CEP350: variants seen among roughly 807,000 people sequenced by gnomAD.
The protein encoded by CEP350 is centrosomal protein 350.
In CEP350, 126 loss-of-function variants were observed where a neutral mutation model predicts 331.8. That is an observed-to-expected ratio of 0.38 (90% CI 0.33 to 0.44). The LOEUF is 0.44. CEP350 is among the 20% of genes least tolerant of loss of function. The pLI is 1.00. For missense variants in CEP350, 3,406 were observed against 3,634.6 expected, an observed-to-expected ratio of 0.94 and a Z score of 1.62; for synonymous variants, 1,200 against 1,259.5, an observed-to-expected ratio of 0.95 and a Z score of 1.00.
Position 180,034,070 on chromosome 1 carries a change from G to A in CEP350, c.3934G>A (p.Ala1312Thr), listed in dbSNP as rs1342992786. ...CAGCAGAACAACGACAGAGAACATG[G>A]CTCCAATACCAGGTAAGTAGATTCA... ...AASRTTTENM[A>T]PIPGSKRFSP... The change falls in exon 16 of 38, where the codon GCT becomes ACT. Residue 1312 changes from alanine (A) to threonine (T), a missense_variant. Physicochemically the swap from Ala to Thr is moderately conservative, Grantham distance 58. Around this residue, in one of 5 missense-constraint regions of CEP350, gnomAD observed 1,857 missense variants for 1,909.2 expected, o/e 0.97. Coordinates refer to ENST00000367607, the MANE Select transcript of CEP350 (RefSeq NM_014810.5). 6.2e-7 allele frequency: 1 copy of A among 1,613,412 alleles called. No homozygotes were observed. Among genetic ancestry groups the A allele is most frequent in the East Asian group, 2.2e-5 (1 of 44,880 alleles).
At chr1:180,063,185 ACT>A (rs1491308548) in intron 26 of CEP350, among the ~76,000 whole-genome samples, 1 of 111,054 alleles carries the variant, frequency 9.0e-6, no homozygotes, top group East Asian at 2.7e-4. Context: ...AAAATTTGAA[ACT>A]TTTTTTTTTT....
intron 6 of CEP350, among the ~76,000 whole-genome samples, chr1:179,998,348 G>T (rs192524682): frequency 1.5e-5 from 2 of 130,524 alleles, no homozygotes. Flanking sequence ...TCACTCTGTC[G>T]CCCAGGCTGG....
chr1:179,993,274 C>T (rs546420108), intron 5 of CEP350, among the ~76,000 whole-genome samples: 1 of 151,666 alleles, frequency 6.6e-6, no homozygotes, highest in African/African-American at 2.4e-5. Flanking sequence ...GAAGAATAAT[C>T]GAAGTTTAGA....
intron 18 of CEP350, 65 bp from the exon 19 acceptor site, chr1:180,041,591 TAAATTA>T (rs1411045606): frequency 7.3e-7 from 1 of 1,366,692 alleles, no homozygotes; most frequent in African/African-American, 1.5e-5. Flanking sequence ...AATAAATTTA[TAAATTA>T]AAATTAATTC....
At chr1:179,991,713 A>G (rs199768701) in intron 4 of CEP350, among the ~76,000 whole-genome samples, 1,014 of 69,296 alleles carry the variant, frequency 0.015, 12 homozygotes, top group African/African-American at 0.039. Flanking sequence ...GTGTGTATAT[A>G]TATATATATA....
At chr1:179,969,616 G>A in intron 1 of CEP350, 1 of 321,352 alleles carries the variant, frequency 3.1e-6, no homozygotes, top group South Asian at 2.7e-5. Flanking sequence ...TTTCCTTGAA[G>A]TTTTCCTCAA....
At chr1:179,956,862 A>G (rs879497360) in intron 1 of CEP350, among the ~76,000 whole-genome samples, 5 of 152,148 alleles carry the variant, frequency 3.3e-5, no homozygotes, top group Non-Finnish European at 7.4e-5. Flanking sequence ...ATTTCTGCAG[A>G]TAATGTGGAA....
In CEP350 at chr1:180,024,540, ACTT is replaced by A; in HGVS notation, c.3514_3516del (p.Ser1172del). 4 of 1,613,002 alleles carry A rather than the reference ACTT, an allele frequency of 2.5e-6. No individual in the cohort carries two copies. The highest frequency in any genetic ancestry group is 3.4e-6 in the Non-Finnish European group (4 of 1,179,478). ...GTCTGCTGCATCGTCTCGTTCATCTACTTCTTCTAAAGGAAAGAAAGGAAAAAA... is the reference window on the plus strand; with the variant it reads ...GTCTGCTGCATCGTCTCGTTCATCTACTTCTAAAGGAAAGAAAGGAAAAAA... On this transcript the variant is annotated inframe_deletion, in exon 14 of 38. Coordinates refer to ENST00000367607, the MANE Select transcript of CEP350 (RefSeq NM_014810.5).
chr1:179,972,620 T>G (rs1290382796), intron 1 of CEP350, among the ~76,000 whole-genome samples: 1 of 152,084 alleles, frequency 6.6e-6, no homozygotes, highest in African/African-American at 2.4e-5. Context: ...TTCTCCTGCC[T>G]CAGCCTCCTG....
At chr1:180,078,750 G>T (rs1277547899) in intron 29 of CEP350, 76 bp downstream of exon 29, 1 of 1,232,224 alleles carries the variant, frequency 8.1e-7, no homozygotes, top group Non-Finnish European at 1.1e-6. Flanking sequence ...TTATATTATT[G>T]TAATTAATGA....
chr1:179,990,061 C>T (rs900899884), intron 3 of CEP350, among the ~76,000 whole-genome samples: 8 of 151,798 alleles, frequency 5.3e-5, no homozygotes, highest in South Asian at 4.2e-4. Context: ...TGGTGGCGCA[C>T]GCCTGTAATC....
chr1:180,103,719 A>G (rs1327621392), intron 37 of CEP350, among the ~76,000 whole-genome samples: 1 of 151,920 alleles, frequency 6.6e-6, no homozygotes, highest in African/African-American at 2.4e-5. Context: ...TTGTCTTTTA[A>G]AAGATGCTTC....
At chr1:180,097,297 C>T (rs1221645320) in intron 36 of CEP350, among the ~76,000 whole-genome samples, 4 of 152,174 alleles carry the variant, frequency 2.6e-5, no homozygotes, top group Admixed American at 2.6e-4. Context: ...CCACATGGCC[C>T]GCAAAGCCTA....
intron 1 of CEP350, among the ~76,000 whole-genome samples, chr1:179,959,494 C>T (rs1650426924): frequency 6.6e-6 from 1 of 151,920 alleles, no homozygotes; most frequent in Non-Finnish European, 1.5e-5. Context: ...GTGTCTCATG[C>T]CTATAATCCC....
intron 37 of CEP350, 41 bp from the exon 38 acceptor site, chr1:180,110,956 A>G (rs760499235): frequency 4.5e-6 from 7 of 1,557,754 alleles, no homozygotes; most frequent in African/African-American, 1.4e-5. Flanking sequence ...TAGCTTTTGT[A>G]TGACAGGAAT....
At chr1:180,070,594 A>G (rs952728243) in intron 27 of CEP350, among the ~76,000 whole-genome samples, 6 of 152,014 alleles carry the variant, frequency 3.9e-5, no homozygotes, top group African/African-American at 1.4e-4. Flanking sequence ...TCCTCAGGTC[A>G]CACACACACA....
intron 16 of CEP350, among the ~76,000 whole-genome samples, chr1:180,034,356 A>C (rs1307137733): frequency 6.6e-6 from 1 of 152,200 alleles, no homozygotes; most frequent in Non-Finnish European, 1.5e-5. Flanking sequence ...ATGTATATGC[A>C]TGTATACACA....
chr1:180,031,268 C>T (rs990591545), intron 14 of CEP350, 52 bp from the exon 15 acceptor site: 2 of 1,065,336 alleles, frequency 1.9e-6, no homozygotes, highest in African/African-American at 3.2e-5. Flanking sequence ...AATTATCTCT[C>T]TCAATAACTT....
intron 31 of CEP350, 142 bp downstream of exon 31, chr1:180,084,320 T>C (rs892972471): frequency 8.1e-5 from 54 of 663,898 alleles, no homozygotes; most frequent in African/African-American, 7.9e-4. Flanking sequence ...TTAAAAAAAA[T>C]CTGAGGGTAT....
Sources: allele counts gnomAD v4.1 joint callset (sites outside exome capture counted in the v4.1 genomes callset), GRCh38; gene constraint gnomAD v4.1.1; regional missense constraint gnomAD v4.1.1; transcripts MANE v1.5; gene names NCBI Gene and HGNC (gene_info 2026-07-23, HGNC 2026-07-21).